Variants in LEMD1 observed in about 807,000 individuals in gnomAD.
LEMD1 encodes LEM domain containing 1.
LEMD1 carries 18 observed loss-of-function variants against 17.4 expected under a neutral mutation model. That is an observed-to-expected ratio of 1.04 (90% CI 0.72 to 1.54). The LOEUF (loss-of-function observed/expected upper bound fraction) is 1.54, where lower values mean the gene tolerates loss of function less well. Ranked by LOEUF, LEMD1 falls within the 40% of genes most tolerant of loss-of-function variation. The pLI is 0.00. For missense variants in LEMD1, 195 were observed against 210.4 expected, an observed-to-expected ratio of 0.93 and a Z score of 0.45; for synonymous variants, 88 against 77.8, an observed-to-expected ratio of 1.13 and a Z score of -0.69.
At chr1:205,425,693 G>A (rs539738015), upstream of LEMD1, among the ~76,000 whole-genome samples, 66 of 152,286 alleles carry the variant, frequency 4.3e-4, no homozygotes, top group Middle Eastern at 6.8e-3. Context: ...ATGCAGTGAA[G>A]GTTCTGGCAG....
rs1558703807 is a variant in LEMD1 at position 205,384,272 on chromosome 1, T to C, written c.347+16A>G. ...CAATAATATCAATTTCCACATATGCTAAAAAACATCATTACCTTCTTCCCT... is the reference window on the plus strand; with the variant it reads ...CAATAATATCAATTTCCACATATGCCAAAAAACATCATTACCTTCTTCCCT... On this transcript the variant is annotated intron_variant, in intron 5 of 5. Transcript: ENST00000367153. 15 of 1,437,124 alleles carry C rather than the reference T, an allele frequency of 1.0e-5. No homozygotes were observed. The highest frequency in any genetic ancestry group is 2.9e-5 in the African/African-American group (2 of 68,194). 89.0% of individuals were successfully genotyped at this position (1,437,124 alleles called of 1,614,324 possible).
At chr1:205,411,513 G>A (rs1226319519) in intron 4 of LEMD1, among the ~76,000 whole-genome samples, 10 of 145,540 alleles carry the variant, frequency 6.9e-5, no homozygotes, top group Admixed American at 2.1e-4. Flanking sequence ...CCAAGATTGT[G>A]CCACTGCACT....
chr1:205,414,428 A>G (rs1383623680), intron 4 of LEMD1, among the ~76,000 whole-genome samples: 3 of 151,348 alleles, frequency 2.0e-5, no homozygotes, highest in African/African-American at 7.3e-5. Flanking sequence ...TACAAAAAAA[A>G]AAAAAGTTTT....
intron 4 of LEMD1, among the ~76,000 whole-genome samples, chr1:205,389,098 G>T (rs961667970): frequency 3.0e-5 from 4 of 132,672 alleles, no homozygotes; most frequent in African/African-American, 1.1e-4. Flanking sequence ...GCCCAGGCTG[G>T]AGTGCAGTGC....
chr1:205,437,970 C>T (rs1666235712), intron 1 of LEMD1: 1 of 152,118 alleles, frequency 6.6e-6, no homozygotes, highest in South Asian at 2.1e-4. Context: ...TCTATGAACC[C>T]ATATGCTACA....
chr1:205,393,753 C>T (rs566031331), intron 4 of LEMD1, among the ~76,000 whole-genome samples: 12 of 150,836 alleles, frequency 8.0e-5, no homozygotes, highest in South Asian at 2.1e-4. Flanking sequence ...TTAGTGGTAA[C>T]GTAAAATGGC....
At chr1:205,423,391 C>A (rs1041604337), upstream of LEMD1, among the ~76,000 whole-genome samples, 1 of 152,204 alleles carries the variant, frequency 6.6e-6, no homozygotes, top group African/African-American at 2.4e-5. Flanking sequence ...GAGGCACAAG[C>A]ATTTTGTTTA....
At chr1:205,439,330 C>T (rs1666256523) in intron 1 of LEMD1, among the ~76,000 whole-genome samples, 1 of 152,176 alleles carries the variant, frequency 6.6e-6, no homozygotes, top group African/African-American at 2.4e-5. Flanking sequence ...AAGGTGGGGG[C>T]TAGGAGGTAG....
Position 205,441,703 on chromosome 1 carries a change from G to A in LEMD1, c.-39+8165C>T, listed in dbSNP as rs951835179. 6.6e-6 allele frequency among the ~76,000 whole-genome samples: 1 copy of A among 152,238 alleles called. No homozygotes were observed. Among genetic ancestry groups the A allele is most frequent in the African/African-American group, 2.4e-5 (1 of 41,464 alleles). ...ATCCTCACCATGCAGAGAAGAGACAGCAAAGAGGGTTCTTTTAGCCAACAG... is the reference window on the plus strand; with the variant it reads ...ATCCTCACCATGCAGAGAAGAGACAACAAAGAGGGTTCTTTTAGCCAACAG... On this transcript the variant is annotated intron_variant, in intron 1 of 3. Coordinates refer to the LEMD1 transcript ENST00000367154. The surrounding 1 kb of genome is among the most constrained non-coding windows in gnomAD (Gnocchi z 4.3).
chr1:205,446,732 G>C (rs1030932635), intron 1 of LEMD1, among the ~76,000 whole-genome samples: 1 of 152,214 alleles, frequency 6.6e-6, no homozygotes, highest in Non-Finnish European at 1.5e-5. Context: ...GACAATGAGG[G>C]AGGTGGAGGA....
chr1:205,414,730 G>A (rs1416647544), intron 4 of LEMD1, among the ~76,000 whole-genome samples: 2 of 152,030 alleles, frequency 1.3e-5, no homozygotes, highest in Non-Finnish European at 2.9e-5. Context: ...GGCCAGAATT[G>A]TTTTTCAGTT....
intron 4 of LEMD1, among the ~76,000 whole-genome samples, chr1:205,394,924 T>C (rs1162898952): frequency 6.6e-6 from 1 of 151,650 alleles, no homozygotes; most frequent in Non-Finnish European, 1.5e-5. Context: ...GAGGCAGAGG[T>C]TGCAGTGAGC....
At chr1:205,402,891 T>C (rs1158590344) in intron 4 of LEMD1, among the ~76,000 whole-genome samples, 2 of 152,066 alleles carry the variant, frequency 1.3e-5, no homozygotes, top group Non-Finnish European at 2.9e-5. Context: ...ACCTAATTTA[T>C]TGAAAGTTTT....
chr1:205,401,226 T>C (rs1341862606), intron 4 of LEMD1, among the ~76,000 whole-genome samples: 4 of 152,186 alleles, frequency 2.6e-5, no homozygotes, highest in Non-Finnish European at 5.9e-5. Context: ...ATGGGATGGC[T>C]GGGTCAAATG....
rs1172649441 is a variant in LEMD1, at chr1:205,419,247, T to G, written c.188A>C (p.Asp63Ala). ...GGCGGTACCTTCGCTGTCATCACTG[T>G]CCTGCGCTCCATCCAGCTCTCTGGG... ...NGPRELDGAQ[D>A]SDDSEELNII... The change falls in exon 3 of 6, where the codon GAC (aspartate) becomes GCC (alanine). Residue 63 changes from aspartate (D) to alanine (A), a missense_variant. By Grantham distance (126) the Asp-to-Ala change is moderately radical. Coordinates refer to ENST00000367153, the MANE Select transcript of LEMD1 (RefSeq NM_001199050.2). 1 of 1,614,224 alleles carries G rather than the reference T, an allele frequency of 6.2e-7. No individual in the cohort carries two copies. Among genetic ancestry groups the G allele is most frequent in the South Asian group, 1.1e-5 (1 of 91,076 alleles).
At chr1:205,396,174 A>G (rs1416168941) in intron 4 of LEMD1, among the ~76,000 whole-genome samples, 1 of 152,072 alleles carries the variant, frequency 6.6e-6, no homozygotes, top group Non-Finnish European at 1.5e-5. Flanking sequence ...TGCTCAGCTG[A>G]TTGTTTTCTT....
intron 1 of LEMD1, among the ~76,000 whole-genome samples, chr1:205,445,320 G>A (rs2102471445): frequency 6.6e-6 from 1 of 152,320 alleles, no homozygotes; most frequent in East Asian, 1.9e-4. Flanking sequence ...GGGGTGGGTG[G>A]TGGCACAAAC....
intron 4 of LEMD1, among the ~76,000 whole-genome samples, chr1:205,403,946 C>A (rs1664971098): frequency 6.6e-6 from 1 of 152,076 alleles, no homozygotes; most frequent in African/African-American, 2.4e-5. Context: ...TTTCTGCCTT[C>A]ATTTTGTTAT....
At chr1:205,388,763 G>A (rs1436602663) in intron 4 of LEMD1, among the ~76,000 whole-genome samples, 1 of 151,860 alleles carries the variant, frequency 6.6e-6, no homozygotes, top group Admixed American at 6.6e-5. Context: ...AATTTCCTAC[G>A]GAAGTAACAT....
Sources: allele counts gnomAD v4.1 joint callset (sites outside exome capture counted in the v4.1 genomes callset), GRCh38; gene constraint gnomAD v4.1.1; non-coding constraint Gnocchi (gnomAD v3.1); transcripts MANE v1.5; gene names NCBI Gene and HGNC (gene_info 2026-07-23, HGNC 2026-07-21).